Variants in TTLL4 observed in about 807,000 individuals in gnomAD.
TTLL4 encodes the protein tubulin monoglutamylase TTLL4.
In TTLL4, 85 loss-of-function variants were observed where a neutral mutation model predicts 122.7. That is an observed-to-expected ratio of 0.69 (90% CI 0.58 to 0.83). The LOEUF (loss-of-function observed/expected upper bound fraction) is 0.83, where lower values mean the gene tolerates loss of function less well. Among genes scored for constraint, TTLL4 ranks in the 40% least tolerant of loss-of-function variants. The pLI is 0.00. For missense variants in TTLL4, 1,363 were observed against 1,488.6 expected (o/e 0.92, Z 1.39); for synonymous variants, 553 against 563.0 (o/e 0.98, Z 0.25).
At chr2:218,735,950 T>C (rs1309237649) in intron 2 of TTLL4, among the ~76,000 whole-genome samples, 1 of 145,156 alleles carries the variant, frequency 6.9e-6, no homozygotes, top group Non-Finnish European at 1.5e-5. Flanking sequence ...ATTACAGATG[T>C]AGCCACCGTG....
In TTLL4 at chr2:218,747,365, G is replaced by A. The variant is rs375748977; in HGVS notation, c.2242G>A (p.Val748Ile). The change falls in exon 10 of 20, where the codon GTA becomes ATA. Residue 748 changes from valine (V) to isoleucine (I), a missense_variant. Physicochemically the swap from Val to Ile is conservative, Grantham distance 29. Transcript: ENST00000392102. This position sits in a 1 kb window ranked among gnomAD's most constrained non-coding sequence, Gnocchi z 4.7. ...GCTCCCCAAGCGAAGGCCCCTCCTG[G>A]TACAGAGGTGAGCCTGTAGCACATA... is the stretch of plus-strand genomic sequence containing the variant. ...SQLPKRRPLL[V>I]QRYLHKPYLI... 83 of 1,613,942 alleles carry A rather than the reference G, an allele frequency of 5.1e-5. 1 individual carries two copies. Among genetic ancestry groups the A allele is most frequent in the Non-Finnish European group, 6.8e-5 (80 of 1,180,006 alleles).
rs1233846433 is a variant in TTLL4 at position 218,755,129 on chromosome 2, C to G, written c.*740C>G. The G allele has an allele frequency of 6.6e-6, 1 of 152,218 alleles. No homozygotes were observed. The allele number at this position is 152,218 out of a possible 1,614,324, so 9.4% of individuals were successfully genotyped here. On this transcript the variant is annotated 3_prime_UTR_variant, in exon 20 of 20. Transcript: ENST00000392102. ...ATGAACTTTGTGAATTTCCCATGGC[C>G]CCAGTGAAGGAGCCCAGATAATCCC...
chr2:218,747,599 A>G lies in TTLL4; in HGVS notation c.2252A>G (p.Tyr751Cys). Residue 751 changes from tyrosine to cysteine, a missense_variant and splice_region_variant, in exon 11 of 20, where the codon TAT becomes TGT. Physicochemically the swap from Tyr to Cys is radical, Grantham distance 194. Around this residue, in one of 3 missense-constraint regions of TTLL4, gnomAD observed 596 missense variants for 655.8 expected, o/e 0.91. Coordinates refer to ENST00000392102, the MANE Select transcript of TTLL4 (RefSeq NM_014640.5). The surrounding 1 kb of genome is among the most constrained non-coding windows in gnomAD (Gnocchi z 4.7). The part of the protein sequence containing the change: ...PKRRPLLVQR[Y>C]LHKPYLISGS... ...AAGCTGGCCTTTGTCCTATGTAGGT[A>G]TCTACACAAACCCTACCTCATCAGC... The G allele has an allele frequency of 6.2e-7, 1 of 1,614,132 alleles. No homozygotes were observed. Among genetic ancestry groups the G allele is most frequent in the South Asian group, 1.1e-5 (1 of 91,086 alleles).
chr2:218,754,068 A>C, intron 19 of TTLL4, 66 bp from the exon 20 acceptor site: 1 of 1,598,040 alleles, frequency 6.3e-7, no homozygotes, highest in South Asian at 1.1e-5. Flanking sequence ...ACTGAAGGCA[A>C]ATCCTAAGGT....
downstream of TTLL4, among the ~76,000 whole-genome samples, chr2:218,757,656 A>G (rs886238115): frequency 1.3e-5 from 2 of 152,176 alleles, no homozygotes; most frequent in African/African-American, 4.8e-5. Context: ...CTTGGTTTCA[A>G]GCTGTTTGGC....
chr2:218,750,077 C>G lies in TTLL4; in HGVS notation c.2804C>G (p.Ala935Gly). 6.2e-7 allele frequency: 1 copy of G among 1,614,126 alleles called. No individual in the cohort carries two copies. Among genetic ancestry groups the G allele is most frequent in the Non-Finnish European group, 8.5e-7 (1 of 1,179,988 alleles). Residue 935 changes from alanine (A) to glycine (G), a missense_variant, in exon 15 of 20, where the codon GCA (alanine) becomes GGA (glycine). Ala to Gly is a moderately conservative substitution (Grantham distance 60). Coordinates refer to ENST00000392102, the MANE Select transcript of TTLL4 (RefSeq NM_014640.5). ...GQMIRDLLNL[A>G]GFVLPNAEDI... ...ATGATTCGTGACCTTCTGAATCTGGCAGGTTTTGTCCTGCCCAATGCAGAG... is the reference window on the plus strand; with the variant it reads ...ATGATTCGTGACCTTCTGAATCTGGGAGGTTTTGTCCTGCCCAATGCAGAG...
intron 16 of TTLL4, 81 bp downstream of exon 16, chr2:218,751,887 CT>C (rs72027596): frequency 0.011 from 4,839 of 447,254 alleles, no homozygotes; most frequent in East Asian, 0.018. Context: ...AACAGCTTTT[CT>C]TTTTTTTTTT....
intron 1 of TTLL4, among the ~76,000 whole-genome samples, chr2:218,714,331 C>T (rs1941797083): frequency 6.6e-6 from 1 of 152,140 alleles, no homozygotes; most frequent in South Asian, 2.1e-4. Flanking sequence ...TAGATGAAGC[C>T]TTAACTTCAG....
At chr2:218,731,282 G>T (rs1477343754) in intron 2 of TTLL4, among the ~76,000 whole-genome samples, 1 of 151,866 alleles carries the variant, frequency 6.6e-6, no homozygotes, top group African/African-American at 2.4e-5. Flanking sequence ...GTCGTGGCGG[G>T]TGCCTGTAAT....
intron 2 of TTLL4, among the ~76,000 whole-genome samples, chr2:218,729,775 A>C (rs1402094788): frequency 4.0e-5 from 6 of 150,748 alleles, no homozygotes; most frequent in East Asian, 1.9e-4. Context: ...AAAAAAAAAA[A>C]AACAGGATCT....
intron 1 of TTLL4, among the ~76,000 whole-genome samples, chr2:218,716,821 A>T (rs1347528543): frequency 1.3e-5 from 2 of 152,158 alleles, no homozygotes; most frequent in Non-Finnish European, 2.9e-5. Context: ...TGTGCCATCA[A>T]GTAAACCTGG....
At chr2:218,746,270 G>A (rs1942840125) in intron 8 of TTLL4, 39 bp downstream of exon 8, 1 of 1,610,306 alleles carries the variant, frequency 6.2e-7, no homozygotes, top group Non-Finnish European at 8.5e-7. Flanking sequence ...CCTGGACTTT[G>A]GACTAGGCCA....
chr2:218,749,249 C>T lies in TTLL4; in HGVS notation c.2601-4C>T, dbSNP rs774171835. 64 of 1,613,900 alleles carry T rather than the reference C, an allele frequency of 4.0e-5. 1 individual carries two copies. The Middle Eastern group carries it at 9.9e-4, about 25-fold the overall frequency. ...ACTGAGTACTTCCTCATCCCCATGA[C>T]CAGGTCAGAGCCCTATGTGACCAGC... On this transcript the variant is annotated splice_region_variant and splice_polypyrimidine_tract_variant and intron_variant, in intron 13 of 19. Coordinates refer to ENST00000392102, the MANE Select transcript of TTLL4 (RefSeq NM_014640.5).
At chr2:218,743,163 C>T (rs1030190091) in intron 5 of TTLL4, among the ~76,000 whole-genome samples, 10 of 151,802 alleles carry the variant, frequency 6.6e-5, no homozygotes, top group Non-Finnish European at 1.3e-4. Context: ...AAACAAGATA[C>T]AGAACGTTGT....
At chr2:218,732,653 C>T (rs80272869) in intron 2 of TTLL4, among the ~76,000 whole-genome samples, 1,930 of 152,288 alleles carry the variant, frequency 0.013, 48 homozygotes, top group African/African-American at 0.044. Context: ...TCCTTCACTT[C>T]TTAGATTTTG....
intron 2 of TTLL4, among the ~76,000 whole-genome samples, chr2:218,735,967 C>T (rs1359797093): frequency 5.0e-5 from 4 of 79,964 alleles, no homozygotes; most frequent in African/African-American, 2.4e-4. Context: ...CGTGCCCAGC[C>T]TTTTTTTTTT....
At chr2:218,727,858 T>G (rs150336404) in intron 2 of TTLL4, among the ~76,000 whole-genome samples, 164 of 152,352 alleles carry the variant, frequency 1.1e-3, no homozygotes, top group African/African-American at 3.8e-3. Context: ...ATTTCTTGCT[T>G]TGTCATAGTT....
At chr2:218,718,683 T>C (rs1406876868) in intron 1 of TTLL4, among the ~76,000 whole-genome samples, 1 of 152,162 alleles carries the variant, frequency 6.6e-6, no homozygotes, top group African/African-American at 2.4e-5. Flanking sequence ...CGGCCAGCAA[T>C]AGATTTTCTA....
At chr2:218,748,452 C>T (rs998690959) in intron 12 of TTLL4, 5 of 591,846 alleles carry the variant, frequency 8.4e-6, no homozygotes, top group East Asian at 3.4e-5. Flanking sequence ...TTCAGGAGTA[C>T]AGGACCAGCC....
Sources: gnomAD v4.1 joint callset for allele counts (sites outside exome capture counted in the v4.1 genomes callset) on GRCh38, gnomAD v4.1.1 for gene constraint, gnomAD v4.1.1 regional missense constraint, Gnocchi (gnomAD v3.1) non-coding constraint, MANE v1.5 for transcripts, NCBI Gene and HGNC (gene_info 2026-07-23, HGNC 2026-07-21) for gene names.